UBR4: variants seen among roughly 807,000 people sequenced by gnomAD.
UBR4 encodes the protein E3 ubiquitin-protein ligase UBR4.
Under a neutral mutation model 575.6 loss-of-function variants are expected in UBR4, and 124 were observed. The ratio of observed to expected loss-of-function variants is 0.22; its 90% CI spans 0.19 to 0.25. UBR4 has a LOEUF of 0.25. Ranked by LOEUF, UBR4 falls within the 10% of genes least tolerant of loss-of-function variation. The pLI, the probability that UBR4 is intolerant of heterozygous loss-of-function variation, is 1.00. For missense variants in UBR4, 4,818 were observed against 6,478.8 expected (o/e 0.74, Z 8.80); for synonymous variants, 2,455 against 2,473.7 (o/e 0.99, Z 0.22).
At chr1:19,122,733 C>T in intron 66 of UBR4, 100 bp downstream of exon 66, 6 of 1,311,722 alleles carry the variant, frequency 4.6e-6, no homozygotes, top group Non-Finnish European at 6.5e-6. Context: ...ATTGTCAACA[C>T]AGTTAAAAGT....
rs74056776 is a variant in UBR4 at position 19,177,798 on chromosome 1, G to A, written c.2355-55C>T. On this transcript the variant is annotated intron_variant, in intron 18 of 105. Coordinates refer to ENST00000375254, the MANE Select transcript of UBR4 (RefSeq NM_020765.3). ...GTGGGAAAAAGAGCATTCCCCAGGA[G>A]TTATAATGTCAAGCACTAGAAGAGT... 2,968 of 1,567,014 alleles carry A rather than the reference G, an allele frequency of 1.9e-3. 48 individuals are homozygous for A. In the African/African-American group the frequency reaches 0.036, roughly 19 times the overall value.
At chr1:19,102,493 C>T (rs1351911797) in intron 87 of UBR4, among the ~76,000 whole-genome samples, 2 of 152,280 alleles carry the variant, frequency 1.3e-5, no homozygotes. Flanking sequence ...GAAAGAGTTC[C>T]ATTTTGGGCA....
chr1:19,204,539 T>A (rs558148188), intron 1 of UBR4, among the ~76,000 whole-genome samples: 55 of 148,786 alleles, frequency 3.7e-4, no homozygotes, highest in African/African-American at 9.0e-4. Context: ...AAAAAAAATA[T>A]ATATATATAT....
At chr1:19,176,463 G>A (rs773240162) in intron 20 of UBR4, 129 bp downstream of exon 20, 2 of 1,086,840 alleles carry the variant, frequency 1.8e-6, no homozygotes, top group Non-Finnish European at 2.6e-6. Flanking sequence ...ATCCATAGGT[G>A]ATTTGCCACC....
Position 19,145,900 on chromosome 1 carries a change from T to C in UBR4, c.7838A>G (p.Gln2613Arg). 6.2e-7 allele frequency: 1 copy of C among 1,614,200 alleles called. No homozygotes were observed. Among genetic ancestry groups the C allele is most frequent in the Non-Finnish European group, 8.5e-7 (1 of 1,179,990 alleles). The change falls in exon 53 of 106, where the codon CAG (glutamine) becomes CGG (arginine). Residue 2613 changes from glutamine to arginine, a missense_variant. By Grantham distance (43) the Gln-to-Arg change is conservative (BLOSUM62 1). This residue lies in a region of UBR4 where 340 missense variants were observed against 375.4 expected (regional missense o/e 0.91). Transcript: ENST00000375254. ...GMDEGKEPQK[Q>R]LEGDCCSFIT... ...GAAACTACAGCAATCTCCTTCCAAC[T>C]GCTTCTGCGGTTCCTTCCCTTCATC... is the stretch of plus-strand genomic sequence containing the variant.
At chr1:19,095,974 A>G (rs780916116) in intron 92 of UBR4, 2 of 270,792 alleles carry the variant, frequency 7.4e-6, no homozygotes, top group Non-Finnish European at 1.4e-5. Context: ...CTAAACTAAT[A>G]GTAAAGAAAA....
At chr1:19,141,213 T>C in intron 57 of UBR4, 134 bp downstream of exon 57, 1 of 1,228,784 alleles carries the variant, frequency 8.1e-7, no homozygotes, top group Non-Finnish European at 1.1e-6. Context: ...CCTGTATCTC[T>C]GAACAGCTCT....
chr1:19,088,495 G>A lies in UBR4; in HGVS notation c.14430+264C>T, dbSNP rs778327020. Among the ~76,000 whole-genome samples the A allele has an allele frequency of 6.6e-6, 1 of 152,154 alleles. No homozygotes were observed. The highest frequency in any genetic ancestry group is 2.1e-4 in the South Asian group (1 of 4,814). ...TATCAACCTCCTAGAACTACTTGAG[G>A]GCTTAAATAAGTCCTCAATAAACTT... On this transcript the variant is annotated intron_variant, in intron 98 of 105. Coordinates refer to ENST00000375254, the MANE Select transcript of UBR4 (RefSeq NM_020765.3). The surrounding 1 kb of genome is among the most constrained non-coding windows in gnomAD (Gnocchi z 4.0).
At chr1:19,121,057 C>T in intron 68 of UBR4, 132 bp downstream of exon 68, 6 of 1,281,938 alleles carry the variant, frequency 4.7e-6, no homozygotes, top group South Asian at 1.5e-5. Context: ...AAAGTAGACA[C>T]TAGAGAACAT....
Position 19,169,469 on chromosome 1 carries a change from ATGT to A in UBR4, c.3704_3706del (p.Asn1235del). The A allele has an allele frequency of 6.2e-7, 1 of 1,613,918 alleles. No individual in the cohort carries two copies. Among genetic ancestry groups the A allele is most frequent in the Non-Finnish European group, 8.5e-7 (1 of 1,179,956 alleles). On this transcript the variant is annotated inframe_deletion, in exon 27 of 106. Transcript: ENST00000375254. ...AATATTGGGAAATTCATTGGTATTG[ATGT>A]TGTTCCAGGACTCACACACAGTCTG...
rs145160676 is a variant in UBR4 at position 19,192,529 on chromosome 1, A to G, written c.1155T>C (p.Tyr385=). 1 of 1,614,196 alleles carries G rather than the reference A, an allele frequency of 6.2e-7. No individual in the cohort carries two copies. The highest frequency in any genetic ancestry group is 8.5e-7 in the Non-Finnish European group (1 of 1,180,032). Residue 385 remains tyrosine (Y), a synonymous_variant, in exon 10 of 106, where the codon TAT becomes TAC. Coordinates refer to ENST00000375254, the MANE Select transcript of UBR4 (RefSeq NM_020765.3). ...ATIVQKCLEI[Y]DMIGQAISSS... ...TGCTGATTGCTTGTCCAATCATGTC[A>G]TAGATTTCGAGCTGTACAATATCAA...
intron 21 of UBR4, 116 bp from the exon 22 acceptor site, chr1:19,174,563 T>C (rs1474463987): frequency 1.4e-6 from 2 of 1,405,824 alleles, no homozygotes; most frequent in Non-Finnish European, 1.9e-6. Context: ...ATCATAATCA[T>C]TAATTTCTCC....
intron 13 of UBR4, 79 bp downstream of exon 13, chr1:19,187,085 T>TG (rs1486513936): frequency 1.3e-5 from 12 of 907,480 alleles, no homozygotes; most frequent in Middle Eastern, 4.9e-4. Context: ...TTTATATATA[T>TG]ATATATATAT....
At chr1:19,142,313 C>T (rs943929979) in intron 55 of UBR4, among the ~76,000 whole-genome samples, 2 of 152,202 alleles carry the variant, frequency 1.3e-5, no homozygotes, top group African/African-American at 2.4e-5. Context: ...CAGGTCCTGC[C>T]TGTGCCCACT....
At chr1:19,171,658 T>A (rs1557892357) in intron 25 of UBR4, among the ~76,000 whole-genome samples, 1 of 152,084 alleles carries the variant, frequency 6.6e-6, no homozygotes, top group East Asian at 1.9e-4. Context: ...CTGGCCAACA[T>A]GGAGAAACCC....
chr1:19,137,754 G>A (rs2083359641), intron 60 of UBR4, among the ~76,000 whole-genome samples: 1 of 152,146 alleles, frequency 6.6e-6, no homozygotes, highest in Non-Finnish European at 1.5e-5. Context: ...TCACTTTACA[G>A]TTACTAAGAT....
chr1:19,156,227 T>G, intron 42 of UBR4, 44 bp downstream of exon 42: 1 of 1,600,588 alleles, frequency 6.2e-7, no homozygotes, highest in Admixed American at 1.7e-5. Flanking sequence ...GATTTAAAAG[T>G]AGAAAAATTC....
At chr1:19,108,963 C>T (rs1420831792) in intron 81 of UBR4, among the ~76,000 whole-genome samples, 1 of 152,182 alleles carries the variant, frequency 6.6e-6, no homozygotes, top group African/African-American at 2.4e-5. Flanking sequence ...GATGGGTGTC[C>T]TCTTCTCAAC....
intron 81 of UBR4, among the ~76,000 whole-genome samples, chr1:19,107,937 T>C (rs1450897573): frequency 2.0e-5 from 3 of 152,238 alleles, no homozygotes; most frequent in Admixed American, 1.3e-4. Flanking sequence ...TTTTACATTT[T>C]TGATAATTGT....
Sources: allele counts gnomAD v4.1 joint callset (sites outside exome capture counted in the v4.1 genomes callset), GRCh38; gene constraint gnomAD v4.1.1; regional missense constraint gnomAD v4.1.1; non-coding constraint Gnocchi (gnomAD v3.1); transcripts MANE v1.5; gene names NCBI Gene and HGNC (gene_info 2026-07-23, HGNC 2026-07-21).